Variants in TBC1D25 observed in about 807,000 individuals in gnomAD.
TBC1D25 encodes the protein 5SN3 snoRNA.
In TBC1D25, 13 loss-of-function variants were observed where a neutral mutation model predicts 38.8. The observed-to-expected ratio is 0.34, with a 90% confidence interval of 0.22 to 0.53. The LOEUF (loss-of-function observed/expected upper bound fraction) is 0.53. TBC1D25 is among the 20% of genes least tolerant of loss of function. The pLI, the probability that TBC1D25 is intolerant of heterozygous loss-of-function variation, is 0.94. For synonymous variants in TBC1D25, 225 were observed against 255.6 expected, an observed-to-expected ratio of 0.88 and a Z score of 1.14; for missense variants, 372 against 600.0, an observed-to-expected ratio of 0.62 and a Z score of 3.97.
chrX:48,560,451 G>A lies in TBC1D25; in HGVS notation c.1543G>A (p.Asp515Asn). ...ASLDGLQQLR[D>N]NMGSRRDPLV... The stretch of plus-strand genomic sequence containing the variant: ...CTTGGATGGCCTCCAGCAACTCAGG[G>A]ATAACATGGGCTCCAGGAGGGACCC... Residue 515 changes from aspartate (D) to asparagine (N), a missense_variant, in exon 6 of 6, where the codon GAT (aspartate) becomes AAT (asparagine). By Grantham distance (23) the Asp-to-Asn change is conservative. Coordinates refer to ENST00000376771, the MANE Select transcript of TBC1D25 (RefSeq NM_002536.4). 8.3e-7 allele frequency: 1 copy of A among 1,209,960 alleles called. No individual in the cohort carries two copies. Among genetic ancestry groups the A allele is most frequent in the Non-Finnish European group, 1.1e-6 (1 of 894,614 alleles).
intron 1 of TBC1D25, 45 bp downstream of exon 1, chrX:48,539,965 G>A: frequency 1.1e-6 from 1 of 946,451 alleles, no homozygotes; most frequent in Non-Finnish European, 1.3e-6. Flanking sequence ...GCATCCCAGG[G>A]GAGGGGGAGG....
chrX:48,542,320 C>T (rs2061846718), intron 2 of TBC1D25, among the ~76,000 whole-genome samples: 1 of 108,033 alleles, frequency 9.3e-6, no homozygotes, highest in Admixed American at 1.0e-4. Context: ...AGGCACGCAC[C>T]ACCACGCCTG....
Position 48,560,301 on chromosome X carries a change from G to A in TBC1D25, c.1393G>A (p.Val465Met), listed in dbSNP as rs782265046. Residue 465 changes from valine to methionine, a missense_variant, in exon 6 of 6, where the codon GTG becomes ATG. This residue lies in a region of TBC1D25 where 312 missense variants were observed against 549.3 expected (regional missense o/e 0.57). Coordinates refer to ENST00000376771, the MANE Select transcript of TBC1D25 (RefSeq NM_002536.4). ...TTTTGGTGGCCACAGGGGGTGGCCC[G>A]TGCGACAGAGGCACATGCTGAGGCC... ...AGFGGHRGWPVRQRHMLRPAG... is the reference protein window; with the variant it reads ...AGFGGHRGWPMRQRHMLRPAG... 13 of 1,209,844 alleles carry A rather than the reference G, an allele frequency of 1.1e-5. No homozygotes were observed. Among genetic ancestry groups the A allele is most frequent in the South Asian group, 7.0e-5 (4 of 56,815 alleles).
At chrX:48,541,311 A>G (rs1170885571) in intron 1 of TBC1D25, 22 bp from the exon 2 acceptor site, 3 of 1,202,799 alleles carry the variant, frequency 2.5e-6, no homozygotes, top group Non-Finnish European at 3.4e-6. Flanking sequence ...CTGGTGGCCT[A>G]CCCCATGTCT....
In TBC1D25 at chrX:48,544,900, C is replaced by T. The variant is rs782363255; in HGVS notation, c.265C>T (p.Arg89Trp). 9.9e-6 allele frequency: 12 copies of T among 1,210,249 alleles called. No homozygotes were observed. Among genetic ancestry groups the T allele is most frequent in the South Asian group, 3.5e-5 (2 of 56,831 alleles). ...KKNFGISYLGRDRLGQEVYLS... is the reference protein window; with the variant it reads ...KKNFGISYLGWDRLGQEVYLS... ...GAACTTTGGCATCAGCTACCTGGGCCGGGACCGGCTAGGACAGGAAGTTTA... is the reference window on the plus strand; with the variant it reads ...GAACTTTGGCATCAGCTACCTGGGCTGGGACCGGCTAGGACAGGAAGTTTA... The change falls in exon 3 of 6, where the codon CGG (arginine) becomes TGG (tryptophan). Residue 89 changes from arginine (R) to tryptophan (W), a missense_variant. Physicochemically the swap from Arg to Trp is moderately radical, Grantham distance 101. This residue lies in a region of TBC1D25 where 312 missense variants were observed against 549.3 expected (regional missense o/e 0.57). Coordinates refer to ENST00000376771, the MANE Select transcript of TBC1D25 (RefSeq NM_002536.4).
chrX:48,554,813 G>A (rs1556984177), intron 3 of TBC1D25, among the ~76,000 whole-genome samples: 3 of 111,765 alleles, frequency 2.7e-5, no homozygotes, highest in African/African-American at 9.8e-5. Context: ...TTAGCTCCAT[G>A]CCTTGCAGTG....
In TBC1D25 at chrX:48,552,228, CCAG is replaced by C. The variant is rs375897424; in HGVS notation, c.389-6668_389-6666del. On this transcript the variant is annotated intron_variant, in intron 3 of 5. Coordinates refer to ENST00000376771, the MANE Select transcript of TBC1D25 (RefSeq NM_002536.4). ...TTGACACGTAGTCTCGCTCTGTCGC[CCAG>C]ACTGGAGTGCAGTGGCACGATCTCA... is the stretch of plus-strand genomic sequence containing the variant. Among the ~76,000 whole-genome samples, 542 of 111,470 alleles carry C rather than the reference CCAG, an allele frequency of 4.9e-3. 3 individuals are homozygous for C. The highest frequency in any genetic ancestry group is 0.017 in the African/African-American group (517 of 30,625).
chrX:48,559,461 G>A (rs2062003054), intron 5 of TBC1D25, 115 bp downstream of exon 5: 2 of 1,083,599 alleles, frequency 1.8e-6, no homozygotes, highest in East Asian at 3.3e-5. Flanking sequence ...TACAGGGCAC[G>A]AAGTTCTCTT....
At chrX:48,540,016 G>C (rs190984140) in intron 1 of TBC1D25, 96 bp downstream of exon 1, 10,054 of 924,676 alleles carry the variant, frequency 0.011, 75 homozygotes, top group East Asian at 0.064. Context: ...CTGAGATTTC[G>C]GACATAACCT....
chrX:48,542,026 CTT>C (rs782768482), intron 2 of TBC1D25, among the ~76,000 whole-genome samples: 5 of 87,811 alleles, frequency 5.7e-5, no homozygotes, highest in Non-Finnish European at 4.4e-5. Flanking sequence ...CTTTTTATTT[CTT>C]TTTTTTTTTT....
At position 48,561,082 on chromosome X, in the gene TBC1D25, G is replaced by C; in HGVS notation, c.*107G>C. 1 of 959,447 alleles carries C rather than the reference G, an allele frequency of 1.0e-6. No individual in the cohort carries two copies. Among genetic ancestry groups the C allele is most frequent in the Non-Finnish European group, 1.4e-6 (1 of 723,579 alleles). 79.1% of individuals were successfully genotyped at this position (959,447 alleles called of 1,213,427 possible). On this transcript the variant is annotated 3_prime_UTR_variant, in exon 6 of 6. Coordinates refer to ENST00000376771, the MANE Select transcript of TBC1D25 (RefSeq NM_002536.4). ...CTCCCTGCCTGCCAGCCCTAGACTT[G>C]TTGGAGCATAGAGCCCTTCCTCCCC...
At chrX:48,556,386 GC>G (rs1334795735) in intron 3 of TBC1D25, among the ~76,000 whole-genome samples, 1 of 111,723 alleles carries the variant, frequency 9.0e-6, no homozygotes, top group Non-Finnish European at 1.9e-5. Context: ...CATGGTTGGG[GC>G]TAAAGTTACA....
In TBC1D25 at chrX:48,562,372, C is replaced by G. The variant is rs895115448; in HGVS notation, c.*1397C>G. The G allele has an allele frequency of 3.6e-5, 4 of 112,080 alleles. No homozygotes were observed. The highest frequency in any genetic ancestry group is 7.5e-5 in the Non-Finnish European group (4 of 53,210). 9.2% of individuals were successfully genotyped at this position (112,080 alleles called of 1,213,427 possible). A position where few individuals can be genotyped will look rare whatever the true frequency, so the allele number is the denominator to read the frequency against. On this transcript the variant is annotated 3_prime_UTR_variant, in exon 6 of 6. Transcript: ENST00000376771. ...AAACCTGGGGATGACCCTTAAAAGT[C>G]TCCCGTCACCCCCAGTATTGGGGGG...
Position 48,560,763 on chromosome X carries a change from C to T in TBC1D25, c.1855C>T (p.Leu619=), listed in dbSNP as rs1556986104. The stretch of plus-strand genomic sequence containing the variant: ...GTTTGGCCGGGGGAACCCATTCATG[C>T]TGTTCCTCTGCCTGGCCATCCTGCT... ...QEFGRGNPFM[L]FLCLAILLEH... Residue 619 remains leucine (L), a synonymous_variant, in exon 6 of 6, where the codon CTG becomes TTG. Coordinates refer to ENST00000376771, the MANE Select transcript of TBC1D25 (RefSeq NM_002536.4). 1 of 1,210,310 alleles carries T rather than the reference C, an allele frequency of 8.3e-7. No homozygotes were observed. The highest frequency in any genetic ancestry group is 3.0e-5 in the East Asian group (1 of 33,782).
At chrX:48,547,660 G>A (rs186423574) in intron 3 of TBC1D25, among the ~76,000 whole-genome samples, 73 of 112,316 alleles carry the variant, frequency 6.5e-4, no homozygotes, top group African/African-American at 2.3e-3. Flanking sequence ...TTTTAGGCCA[G>A]GCGCCGTGGC....
At position 48,562,303 on chromosome X, in the gene TBC1D25, CA is replaced by C. The variant is rs1439006711; in HGVS notation, c.*1329del. 2 of 112,031 alleles carry C rather than the reference CA, an allele frequency of 1.8e-5. No individual in the cohort carries two copies. The highest frequency in any genetic ancestry group is 3.8e-5 in the Non-Finnish European group (2 of 53,226). The allele number at this position is 112,031 out of a possible 1,213,427, so 9.2% of individuals were successfully genotyped here. On this transcript the variant is annotated 3_prime_UTR_variant, in exon 6 of 6. Coordinates refer to ENST00000376771, the MANE Select transcript of TBC1D25 (RefSeq NM_002536.4). ...AATGCTGCCAGAGATGAGGAGGCAT[CA>C]GGGCAGTCATCCCTTCTGCTGTTTG... is the stretch of plus-strand genomic sequence containing the variant.
At chrX:48,546,168 T>C (rs781989169) in intron 3 of TBC1D25, among the ~76,000 whole-genome samples, 1 of 93,386 alleles carries the variant, frequency 1.1e-5, no homozygotes, top group African/African-American at 4.1e-5. Context: ...AGCCAAGATC[T>C]TGCCACTGCA....
At position 48,561,406 on chromosome X, in the gene TBC1D25, G is replaced by C. The variant is rs2062025686; in HGVS notation, c.*431G>C. On this transcript the variant is annotated 3_prime_UTR_variant, in exon 6 of 6. Coordinates refer to ENST00000376771, the MANE Select transcript of TBC1D25 (RefSeq NM_002536.4). ...GGTGAGCCCAGGTGGAGCACTGCTT[G>C]AGGAAGGCCTGAGTCTGTTTTTTTG... 7.6e-6 allele frequency: 1 copy of C among 130,866 alleles called. No individual in the cohort carries two copies. The highest frequency in any genetic ancestry group is 3.2e-5 in the African/African-American group (1 of 31,557). 10.8% of individuals were successfully genotyped at this position (130,866 alleles called of 1,213,427 possible).
At chrX:48,559,381 T>C in intron 5 of TBC1D25, 35 bp downstream of exon 5, 2 of 1,182,440 alleles carry the variant, frequency 1.7e-6, no homozygotes, top group Non-Finnish European at 2.3e-6. Context: ...GGTCCATCAC[T>C]GCTGCACTCA....
Sources: allele counts gnomAD v4.1 joint callset (sites outside exome capture counted in the v4.1 genomes callset), GRCh38; gene constraint gnomAD v4.1.1; regional missense constraint gnomAD v4.1.1; transcripts MANE v1.5; gene names NCBI Gene and HGNC (gene_info 2026-07-23, HGNC 2026-07-21).